Variants in SCNN1B observed in about 807,000 individuals in gnomAD.
SCNN1B encodes the protein sodium channel epithelial 1 subunit beta.
In SCNN1B, 46 loss-of-function variants were observed where a neutral mutation model predicts 65.3. The observed-to-expected ratio is 0.70, with a 90% CI of 0.56 to 0.90. The LOEUF (loss-of-function observed/expected upper bound fraction) is 0.90, where lower values mean the gene tolerates loss of function less well. Ranked by LOEUF, SCNN1B falls within the 40% of genes least tolerant of loss-of-function variation. SCNN1B has a pLI of 0.00. For missense variants in SCNN1B, 751 were observed against 830.5 expected, an observed-to-expected ratio of 0.90 and a Z score of 1.18; for synonymous variants, 349 against 330.6, an observed-to-expected ratio of 1.06 and a Z score of -0.60.
intron 1 of SCNN1B, among the ~76,000 whole-genome samples, chr16:23,305,583 A>T (rs868008327): frequency 8.3e-4 from 77 of 93,170 alleles, no homozygotes; most frequent in African/African-American, 3.2e-3. Context: ...TATATTATAT[A>T]TATATATATA....
Position 23,380,725 on chromosome 16 carries a change from C to T in SCNN1B, c.1847C>T (p.Pro616Leu), listed in dbSNP as rs387906402. 1.2e-6 allele frequency: 2 copies of T among 1,612,346 alleles called. No homozygotes were observed. Among genetic ancestry groups the T allele is most frequent in the South Asian group, 1.1e-5 (1 of 91,042 alleles). The change falls in exon 13 of 13, where the codon CCG (proline) becomes CTG (leucine). Residue 616 changes from proline to leucine, a missense_variant. Pro to Leu is a moderately conservative substitution (Grantham distance 98). Transcript: ENST00000343070. The surrounding 1 kb of genome is among the most constrained non-coding windows in gnomAD (Gnocchi z 5.4). ...SEQALPIPGT[P>L]PPNYDSLRLQ... ...CAGGCCCTGCCCATCCCAGGCACCC[C>T]GCCCCCCAACTATGACTCCCTGCGT... is the stretch of plus-strand genomic sequence containing the variant.
Position 23,380,750 on chromosome 16 carries a change from T to C in SCNN1B, c.1872T>C (p.Arg624=), listed in dbSNP as rs1963033340. Residue 624 remains arginine, a synonymous_variant, in exon 13 of 13, where the codon CGT becomes CGC. Coordinates refer to ENST00000343070, the MANE Select transcript of SCNN1B (RefSeq NM_000336.3). This position sits in a 1 kb window ranked among gnomAD's most constrained non-coding sequence, Gnocchi z 5.4. Reference sequence around the variant, plus strand: ...CGCCCCCCAACTATGACTCCCTGCGTCTGCAGCCGCTGGACGTCATCGAGT... The same window carrying C: ...CGCCCCCCAACTATGACTCCCTGCGCCTGCAGCCGCTGGACGTCATCGAGT... ...GTPPPNYDSL[R]LQPLDVIESD... 1 of 1,611,932 alleles carries C rather than the reference T, an allele frequency of 6.2e-7. No homozygotes were observed. The highest frequency in any genetic ancestry group is 2.2e-5 in the East Asian group (1 of 44,826).
rs1962785934 is a variant in SCNN1B, at chr16:23,371,595, A to C, written c.1044+133A>C. On this transcript the variant is annotated intron_variant, in intron 6 of 12. Coordinates refer to ENST00000343070, the MANE Select transcript of SCNN1B (RefSeq NM_000336.3). ...CTGGCCTTCCTTCCTTTTGGCTGGA[A>C]TCCCCCCAGGGTGGCCCAAGCTTTA... 3 of 1,112,576 alleles carry C rather than the reference A, an allele frequency of 2.7e-6. 1 individual carries two copies. The South Asian group carries it at 4.2e-5, about 16-fold the overall frequency. 68.9% of individuals were successfully genotyped at this position (1,112,576 alleles called of 1,614,324 possible).
rs137852706 is a variant in SCNN1B at position 23,348,708 on chromosome 16, G to A, written c.109G>A (p.Gly37Ser). ...GTACTGCGACAACACCAACACCCAC[G>A]GCCCCAAGCGCATCATCTGTGAGGG... ...VWYCDNTNTH[G>S]PKRIICEGPK... The change falls in exon 2 of 13, where the codon GGC becomes AGC. Residue 37 changes from glycine to serine, a missense_variant. Transcript: ENST00000343070. The surrounding 1 kb of genome is among the most constrained non-coding windows in gnomAD (Gnocchi z 4.5). The A allele has an allele frequency of 1.1e-5, 17 of 1,613,940 alleles. No homozygotes were observed. The highest frequency in any genetic ancestry group is 1.3e-5 in the African/African-American group (1 of 74,918).
At chr16:23,315,119 C>T (rs1042295256) in intron 1 of SCNN1B, among the ~76,000 whole-genome samples, 1 of 151,974 alleles carries the variant, frequency 6.6e-6, no homozygotes, top group Non-Finnish European at 1.5e-5. Flanking sequence ...GGCGGATCAC[C>T]TGAGGTTGGG....
At chr16:23,328,523 T>G (rs1961743878) in intron 1 of SCNN1B, among the ~76,000 whole-genome samples, 2 of 152,190 alleles carry the variant, frequency 1.3e-5, no homozygotes, top group South Asian at 4.1e-4. Context: ...ACTCCAATCT[T>G]TGGTCTGTCT....
upstream of SCNN1B, among the ~76,000 whole-genome samples, chr16:23,301,286 C>T (rs750450528): frequency 1.3e-4 from 20 of 148,800 alleles, no homozygotes; most frequent in Non-Finnish European, 2.2e-4. Flanking sequence ...TGCTTGATTC[C>T]GGGAAGTGGA....
chr16:23,363,835 T>C (rs756554031), intron 4 of SCNN1B, among the ~76,000 whole-genome samples: 4 of 148,326 alleles, frequency 2.7e-5, no homozygotes, highest in Non-Finnish European at 5.9e-5. Flanking sequence ...AAAAGGAAGC[T>C]GATTTCAGAT....
intron 2 of SCNN1B, among the ~76,000 whole-genome samples, chr16:23,292,647 G>A (rs1960942430): frequency 6.6e-6 from 1 of 151,922 alleles, no homozygotes; most frequent in African/African-American, 2.4e-5. Flanking sequence ...GGGACTACAG[G>A]CACACTGTAC....
Position 23,380,555 on chromosome 16 carries a change from C to T in SCNN1B, c.1677C>T (p.Ala559=). The T allele has an allele frequency of 6.2e-7, 1 of 1,614,212 alleles. No individual in the cohort carries two copies. The highest frequency in any genetic ancestry group is 1.1e-5 in the South Asian group (1 of 91,084). The change falls in exon 13 of 13, where the codon GCC becomes GCT. Residue 559 remains alanine, a synonymous_variant. Coordinates refer to ENST00000343070, the MANE Select transcript of SCNN1B (RefSeq NM_000336.3). This position sits in a 1 kb window ranked among gnomAD's most constrained non-coding sequence, Gnocchi z 5.4. ...CCATCATCAAGCTGGTGGCCTTGGC[C>T]AAGAGCCTACGGCAGCGGCGAGCCC... The part of the protein sequence containing the change: ...WITIIKLVAL[A]KSLRQRRAQA...
intron 2 of SCNN1B, among the ~76,000 whole-genome samples, chr16:23,292,730 C>CAGG (rs1460439090): frequency 6.7e-6 from 1 of 148,822 alleles, no homozygotes; most frequent in Non-Finnish European, 1.5e-5. Flanking sequence ...TCTCGAACTC[C>CAGG]TGGGCTCAAG....
rs1191618996 is a variant in SCNN1B at position 23,293,114 on chromosome 16, CAAAAAAAAAAAA to C, written n.178+9327_178+9338del. 2.6e-4 allele frequency among the ~76,000 whole-genome samples: 9 copies of C among 34,180 alleles called. 1 individual carries two copies. The highest frequency in any genetic ancestry group is 2.6e-3 in the South Asian group (1 of 392). The allele number at this position is 34,180 out of a possible 152,430, so 22.4% of individuals were successfully genotyped here. On this transcript the variant is annotated intron_variant and non_coding_transcript_variant, in intron 2 of 3. Transcript: ENST00000569789. The stretch of plus-strand genomic sequence containing the variant: ...TGGGCAATACAGGGAGACTCATTCT[CAAAAAAAAAAAA>C]AAAAAAAAAAAAAAAAGTGAGACTT...
At chr16:23,279,027 G>GA (rs1044115779) in intron 1 of SCNN1B, among the ~76,000 whole-genome samples, 2 of 151,832 alleles carry the variant, frequency 1.3e-5, no homozygotes, top group Middle Eastern at 3.4e-3. Flanking sequence ...GGCGGGTGTT[G>GA]AAAAAAAGCC....
At chr16:23,307,812 G>T (rs1961254203) in intron 1 of SCNN1B, among the ~76,000 whole-genome samples, 1 of 152,218 alleles carries the variant, frequency 6.6e-6, no homozygotes, top group Non-Finnish European at 1.5e-5. Context: ...CTGCTTGCAA[G>T]GCTGAGGCAG....
At chr16:23,305,325 ACTCCATATTTCTGGATC>A (rs1961171620) in intron 1 of SCNN1B, among the ~76,000 whole-genome samples, 1 of 150,046 alleles carries the variant, frequency 6.7e-6, no homozygotes, top group Admixed American at 6.7e-5. Flanking sequence ...TTCATATAAG[ACTCCATATTTCTGGATC>A]CTCTTGAGAT....
At chr16:23,294,751 G>C (rs537439642) in intron 2 of SCNN1B, among the ~76,000 whole-genome samples, 35 of 152,248 alleles carry the variant, frequency 2.3e-4, no homozygotes, top group African/African-American at 7.7e-4. Flanking sequence ...CCATCACTTT[G>C]GGAGGCCGAG....
chr16:23,337,910 A>T (rs543706327), intron 1 of SCNN1B, among the ~76,000 whole-genome samples: 56 of 152,166 alleles, frequency 3.7e-4, no homozygotes, highest in Non-Finnish European at 5.7e-4. Context: ...TACCAAAAAA[A>T]AATAATAATA....
At chr16:23,285,780 G>C (rs983370745) in intron 2 of SCNN1B, among the ~76,000 whole-genome samples, 7 of 152,136 alleles carry the variant, frequency 4.6e-5, no homozygotes, top group Non-Finnish European at 8.8e-5. Flanking sequence ...TCAAGACCAG[G>C]CTGGGCAACA....
intron 1 of SCNN1B, among the ~76,000 whole-genome samples, chr16:23,305,553 T>TATATATATATATATA (rs1961186960): frequency 2.4e-5 from 1 of 41,864 alleles, no homozygotes; most frequent in Non-Finnish European, 3.5e-5. Flanking sequence ...TATATATATA[T>TATATATATATATATA]ATATATATAT....
Sources: gnomAD v4.1 joint callset for allele counts (sites outside exome capture counted in the v4.1 genomes callset) on GRCh38, gnomAD v4.1.1 for gene constraint, Gnocchi (gnomAD v3.1) non-coding constraint, MANE v1.5 for transcripts, NCBI Gene and HGNC (gene_info 2026-07-23, HGNC 2026-07-21) for gene names.